The following ZNF678 variants were observed in gnomAD, a reference collection of about 807,000 sequenced individuals.
ZNF678 encodes the protein hypothetical protein MGC42493.
Under a neutral mutation model 3.0 loss-of-function variants are expected in ZNF678, and 5 were observed. That is an observed-to-expected ratio of 1.69 (90% CI 0.88 to 3.56). ZNF678 has a LOEUF of 3.56. ZNF678 is among the 30% of genes most tolerant of loss of function. ZNF678 has a pLI of 0.00. For synonymous variants in ZNF678, 218 were observed against 199.6 expected, an observed-to-expected ratio of 1.09 and a Z score of -0.78; for missense variants, 593 against 605.0, an observed-to-expected ratio of 0.98 and a Z score of 0.21.
chr1:227,597,348 G>A (rs775501856), intron 1 of ZNF678, among the ~76,000 whole-genome samples: 3 of 152,222 alleles, frequency 2.0e-5, no homozygotes, highest in Admixed American at 6.5e-5. Context: ...TCCAGCGTGG[G>A]CGTCATAGCC....
chr1:227,603,126 C>T (rs1476912134), intron 1 of ZNF678, among the ~76,000 whole-genome samples: 1 of 152,178 alleles, frequency 6.6e-6, no homozygotes, highest in African/African-American at 2.4e-5. Flanking sequence ...CTCAGCATCT[C>T]CACGTGTGAA....
intron 5 of ZNF678, among the ~76,000 whole-genome samples, chr1:227,672,549 C>A (rs1174720809): frequency 6.6e-6 from 1 of 152,088 alleles, no homozygotes. Flanking sequence ...TCATCTCAAC[C>A]TTAGTGTTTT....
At chr1:227,603,921 G>A (rs1054763197) in intron 1 of ZNF678, among the ~76,000 whole-genome samples, 1 of 152,120 alleles carries the variant, frequency 6.6e-6, no homozygotes, top group Non-Finnish European at 1.5e-5. Flanking sequence ...GACATGTCTT[G>A]TATAATTGGA....
downstream of ZNF678, among the ~76,000 whole-genome samples, chr1:227,678,176 G>C (rs1389973473): frequency 6.6e-6 from 1 of 152,154 alleles, no homozygotes; most frequent in African/African-American, 2.4e-5. Flanking sequence ...ACAGGGTATG[G>C]GGATATAAAC....
At position 227,563,673 on chromosome 1, in the gene ZNF678, T is replaced by C; in HGVS notation, c.-215T>C. 1.5e-6 allele frequency: 2 copies of C among 1,329,216 alleles called. No individual in the cohort carries two copies. The highest frequency in any genetic ancestry group is 2.0e-6 in the Non-Finnish European group (2 of 1,001,374). 82.3% of individuals were successfully genotyped at this position (1,329,216 alleles called of 1,614,324 possible). A position where few individuals can be genotyped will look rare whatever the true frequency, so the allele number is the denominator to read the frequency against. On this transcript the variant is annotated 5_prime_UTR_variant, in exon 1 of 4. Coordinates refer to ENST00000343776, the MANE Select transcript of ZNF678 (RefSeq NM_001367909.1). ...GTCTGGTTTCCCTGTGACCTGCAGG[T>C]ACTGGGAGTTACATAGCTAAGATGC...
chr1:227,622,116 C>G (rs1658295221), intron 1 of ZNF678, among the ~76,000 whole-genome samples: 2 of 152,184 alleles, frequency 1.3e-5, no homozygotes, highest in South Asian at 2.1e-4. Flanking sequence ...TCTGGAAAGT[C>G]TGACATCTTT....
downstream of ZNF678, among the ~76,000 whole-genome samples, chr1:227,662,967 T>C (rs1264031190): frequency 6.6e-6 from 1 of 152,234 alleles, no homozygotes; most frequent in African/African-American, 2.4e-5. Flanking sequence ...TATTTGGACA[T>C]ATGATTTTTA....
At chr1:227,602,943 TG>T (rs1292231123) in intron 1 of ZNF678, among the ~76,000 whole-genome samples, 1 of 152,284 alleles carries the variant, frequency 6.6e-6, no homozygotes, top group East Asian at 1.9e-4. Context: ...CTATAATGTG[TG>T]ATGATTGTAC....
At chr1:227,595,599 T>C (rs1050149166) in intron 1 of ZNF678, among the ~76,000 whole-genome samples, 1 of 152,160 alleles carries the variant, frequency 6.6e-6, no homozygotes, top group Admixed American at 6.5e-5. Context: ...GCCTGACCCA[T>C]GCTTCTTCGA....
At chr1:227,647,743 G>GGTTACAGAGTGAA (rs61483208) in intron 2 of ZNF678, among the ~76,000 whole-genome samples, 32,360 of 152,028 alleles carry the variant, frequency 0.21, 3,566 homozygotes, top group East Asian at 0.28. Flanking sequence ...TTTCCTTTGA[G>GGTTACAGAGTGAA]GCAAAGTCCT....
In ZNF678 at chr1:227,652,997, TCTC is replaced by T. The variant is rs553908721; in HGVS notation, c.86-1338_86-1336del. On this transcript the variant is annotated intron_variant, in intron 3 of 3. Transcript: ENST00000343776. ...TGGTTATCTTGGAAAATCTTCATCT[TCTC>T]TTAATTGTGAAGGACAGTTTTACTG... 1.3e-3 allele frequency among the ~76,000 whole-genome samples: 203 copies of T among 152,242 alleles called. 1 individual carries two copies. The highest frequency in any genetic ancestry group is 7.0e-3 in the South Asian group (34 of 4,828).
chr1:227,598,669 C>A, intron 1 of ZNF678: 1 of 532,348 alleles, frequency 1.9e-6, no homozygotes. Context: ...TTCTCCGTTG[C>A]ATCTTTTGAC....
chr1:227,591,909 TCCCGCGATGAG>T, intron 1 of ZNF678, among the ~76,000 whole-genome samples: 1 of 152,108 alleles, frequency 6.6e-6, no homozygotes, highest in East Asian at 1.9e-4. Flanking sequence ...GGAAAATGAG[TCCCGCGATGAG>T]TTTCCTCATG....
At chr1:227,669,564 G>A (rs1659564996) in intron 5 of ZNF678, among the ~76,000 whole-genome samples, 1 of 151,984 alleles carries the variant, frequency 6.6e-6, no homozygotes, top group Non-Finnish European at 1.5e-5. Flanking sequence ...CAGGAGAATG[G>A]CGGGAACCCG....
intron 5 of ZNF678, among the ~76,000 whole-genome samples, chr1:227,668,047 A>C (rs1031815813): frequency 3.3e-5 from 5 of 152,292 alleles, no homozygotes; most frequent in Non-Finnish European, 5.9e-5. Flanking sequence ...TTATTTTTTA[A>C]AGTTTCTGTT....
chr1:227,651,199 G>A (rs1436282733), intron 3 of ZNF678, 123 bp downstream of exon 3: 1 of 1,083,644 alleles, frequency 9.2e-7, no homozygotes, highest in African/African-American at 1.6e-5. Flanking sequence ...TGTCTTTGGT[G>A]GGCTTATTAC....
At chr1:227,647,819 A>G (rs1173266814) in intron 2 of ZNF678, among the ~76,000 whole-genome samples, 1 of 152,240 alleles carries the variant, frequency 6.6e-6, no homozygotes, top group Non-Finnish European at 1.5e-5. Context: ...ACATAGGAAT[A>G]TCTACATATT....
chr1:227,656,558 C>G lies in ZNF678; in HGVS notation c.*730C>G, dbSNP rs1659255286. 6.6e-6 allele frequency: 1 copy of G among 151,414 alleles called. No individual in the cohort carries two copies. The highest frequency in any genetic ancestry group is 1.5e-5 in the Non-Finnish European group (1 of 67,746). 9.4% of individuals were successfully genotyped at this position (151,414 alleles called of 1,614,324 possible). On this transcript the variant is annotated 3_prime_UTR_variant, in exon 4 of 4. Transcript: ENST00000343776. ...GAGAAGTTCTTCTATATTAGATGAC[C>G]ATCATTTATATGCTTTTTCATGAAT...
Position 227,616,847 on chromosome 1 carries a change from A to G in ZNF678, c.-163-29697A>G, listed in dbSNP as rs182762786. The stretch of plus-strand genomic sequence containing the variant: ...TTATAGGGTACCCCCATGAGGCCAT[A>G]GGTGCCAGCTTGAAGAGATAAAGTG... On this transcript the variant is annotated intron_variant, in intron 1 of 3. Coordinates refer to ENST00000343776, the MANE Select transcript of ZNF678 (RefSeq NM_001367909.1). Among the ~76,000 whole-genome samples the G allele has an allele frequency of 4.7e-3, 718 of 152,320 alleles. 7 individuals carry two copies. Among genetic ancestry groups the G allele is most frequent in the African/African-American group, 0.017 (687 of 41,580 alleles).
Sources: allele counts gnomAD v4.1 joint callset (sites outside exome capture counted in the v4.1 genomes callset), GRCh38; gene constraint gnomAD v4.1.1; transcripts MANE v1.5; gene names NCBI Gene and HGNC (gene_info 2026-07-23, HGNC 2026-07-21).